The following GINS1 variants were observed in gnomAD, a reference collection of about 807,000 sequenced individuals.
GINS1 encodes GINS complex subunit 1.
A neutral mutation model predicts 34.9 loss-of-function variants in GINS1; 26 were observed. The observed-to-expected ratio is 0.74, with a 90% CI of 0.55 to 1.03. The LOEUF (loss-of-function observed/expected upper bound fraction) is 1.03. Among genes scored for constraint, GINS1 ranks in the 50% least tolerant of loss-of-function variants. The pLI is 0.00. For synonymous variants in GINS1, 97 were observed against 84.4 expected, an observed-to-expected ratio of 1.15 and a Z score of -0.82; for missense variants, 235 against 237.9, an observed-to-expected ratio of 0.99 and a Z score of 0.08.
chr20:25,438,459 A>G (rs1403129354), intron 5 of GINS1, among the ~76,000 whole-genome samples: 1 of 151,256 alleles, frequency 6.6e-6, no homozygotes, highest in Non-Finnish European at 1.5e-5. Flanking sequence ...GGTGAATTGG[A>G]TCACATCAAT....
intron 2 of GINS1, among the ~76,000 whole-genome samples, chr20:25,416,145 G>T (rs2090319338): frequency 6.6e-6 from 1 of 152,178 alleles, no homozygotes; most frequent in Admixed American, 6.5e-5. Context: ...TGGAGGGGCT[G>T]AGAGGTGGGG....
intron 1 of GINS1, chr20:25,411,300 C>T (rs1011024104): frequency 1.3e-5 from 2 of 152,214 alleles, no homozygotes; most frequent in Non-Finnish European, 2.9e-5. Context: ...AGAAAATTAC[C>T]TTGGGCTCAG....
intron 2 of GINS1, among the ~76,000 whole-genome samples, chr20:25,416,758 T>C (rs2146194448): frequency 6.6e-6 from 1 of 152,316 alleles, no homozygotes; most frequent in Admixed American, 6.5e-5. Context: ...CTCATGTCCA[T>C]CATGTTAGCT....
chr20:25,446,059 C>T lies in GINS1; in HGVS notation c.*68C>T. On this transcript the variant is annotated 3_prime_UTR_variant, in exon 7 of 7. Coordinates refer to ENST00000262460, the MANE Select transcript of GINS1 (RefSeq NM_021067.5). The stretch of plus-strand genomic sequence containing the variant: ...TCCTCTGTACTCACTCTCTCCACCA[C>T]TCCCTTCACCTCCCTCTTTGATTTT... The T allele has an allele frequency of 1.7e-6, 1 of 599,998 alleles. No homozygotes were observed. Among genetic ancestry groups the T allele is most frequent in the Non-Finnish European group, 2.8e-6 (1 of 361,280 alleles). The allele number at this position is 599,998 out of a possible 1,614,324, so 37.2% of individuals were successfully genotyped here.
chr20:25,443,679 A>G (rs1462285731), intron 6 of GINS1, among the ~76,000 whole-genome samples: 2 of 151,300 alleles, frequency 1.3e-5, no homozygotes, highest in Non-Finnish European at 2.9e-5. Flanking sequence ...GCGGCGTTTC[A>G]CCATGTTGGC....
At chr20:25,445,798 T>G in intron 6 of GINS1, 125 bp from the exon 7 acceptor site, 1 of 648,524 alleles carries the variant, frequency 1.5e-6, no homozygotes, top group South Asian at 1.9e-5. Flanking sequence ...AGTTTAACTT[T>G]CAACTACTTA....
chr20:25,429,221 C>A (rs1223588115), intron 5 of GINS1, among the ~76,000 whole-genome samples: 1 of 151,802 alleles, frequency 6.6e-6, no homozygotes, highest in Non-Finnish European at 1.5e-5. Flanking sequence ...AACTCCTGAC[C>A]TCAGGTGATC....
intron 1 of GINS1, among the ~76,000 whole-genome samples, chr20:25,408,579 C>T (rs2090262708): frequency 6.6e-6 from 1 of 152,132 alleles, no homozygotes; most frequent in Admixed American, 6.6e-5. Context: ...CTTTGAGGGC[C>T]CGGTACCATG....
At chr20:25,441,853 A>AT in intron 6 of GINS1, 77 bp downstream of exon 6, 1 of 733,576 alleles carries the variant, frequency 1.4e-6, no homozygotes, top group Non-Finnish European at 2.4e-6. Context: ...AGCAAAATAA[A>AT]TATCAACTTT....
At position 25,439,856 on chromosome 20, in the gene GINS1, G is replaced by A. The variant is rs543144662; in HGVS notation, c.448-1846G>A. On this transcript the variant is annotated intron_variant, in intron 5 of 6. Coordinates refer to ENST00000262460, the MANE Select transcript of GINS1 (RefSeq NM_021067.5). ...AAAAATACAAAAAAATTAGTTGGGC[G>A]TGGTGGCTCCCTCCTGTAATCCCAG... Among the ~76,000 whole-genome samples the A allele has an allele frequency of 5.3e-4, 81 of 151,898 alleles. 1 individual carries two copies. The highest frequency in any genetic ancestry group is 1.9e-3 in the African/African-American group (80 of 41,458).
intron 1 of GINS1, among the ~76,000 whole-genome samples, chr20:25,410,293 A>G (rs2090275690): frequency 6.6e-6 from 1 of 151,602 alleles, no homozygotes; most frequent in Non-Finnish European, 1.5e-5. Context: ...GTGAGCCAAG[A>G]TCGGGTCACT....
Position 25,415,197 on chromosome 20 carries a change from G to T in GINS1, c.140+1343G>T, listed in dbSNP as rs527649001. On this transcript the variant is annotated intron_variant, in intron 2 of 6. Transcript: ENST00000262460. ...TGATAGGAGCATTTCCAACTCCTGT[G>T]TATAAGGAGAGATACAGAAAAATCT... Among the ~76,000 whole-genome samples, 5 of 152,312 alleles carry T rather than the reference G, an allele frequency of 3.3e-5. 1 individual carries two copies. Among genetic ancestry groups the T allele is most frequent in the African/African-American group, 9.6e-5 (4 of 41,566 alleles).
chr20:25,417,028 A>G (rs1319569058), intron 2 of GINS1, 76 bp from the exon 3 acceptor site: 4 of 670,242 alleles, frequency 6.0e-6, no homozygotes, highest in Non-Finnish European at 1.1e-5. Context: ...CATGTAACTC[A>G]GTTGTTAGTT....
intron 1 of GINS1, among the ~76,000 whole-genome samples, chr20:25,410,536 G>A (rs1471378940): frequency 6.6e-6 from 1 of 152,032 alleles, no homozygotes; most frequent in Non-Finnish European, 1.5e-5. Flanking sequence ...GGATCTGAGA[G>A]GCCCAAGGAC....
intron 4 of GINS1, among the ~76,000 whole-genome samples, chr20:25,424,561 C>T (rs1346751307): frequency 6.6e-6 from 1 of 152,166 alleles, no homozygotes; most frequent in African/African-American, 2.4e-5. Flanking sequence ...TCCAATACCA[C>T]ATTCTTATTT....
chr20:25,443,443 C>G (rs1028600334), intron 6 of GINS1, among the ~76,000 whole-genome samples: 1 of 151,142 alleles, frequency 6.6e-6, no homozygotes, highest in East Asian at 2.0e-4. Flanking sequence ...TGAAATGTCC[C>G]TTCATCCCAA....
chr20:25,428,560 C>T (rs564616656), intron 5 of GINS1, among the ~76,000 whole-genome samples: 27 of 151,750 alleles, frequency 1.8e-4, no homozygotes, highest in South Asian at 4.2e-4. Flanking sequence ...CCCACCACGA[C>T]GCCCAGCTAA....
chr20:25,430,412 T>C (rs916141913), intron 5 of GINS1, among the ~76,000 whole-genome samples: 1 of 152,254 alleles, frequency 6.6e-6, no homozygotes, highest in Non-Finnish European at 1.5e-5. Context: ...TGACTTATAT[T>C]GATTGATTTT....
intron 5 of GINS1, among the ~76,000 whole-genome samples, chr20:25,437,117 A>G (rs2090458449): frequency 6.6e-6 from 1 of 151,976 alleles, no homozygotes; most frequent in Non-Finnish European, 1.5e-5. Flanking sequence ...GTTGCTTTTC[A>G]CTGCCCTAGT....
Sources: allele counts gnomAD v4.1 joint callset (sites outside exome capture counted in the v4.1 genomes callset), GRCh38; gene constraint gnomAD v4.1.1; transcripts MANE v1.5; gene names NCBI Gene and HGNC (gene_info 2026-07-23, HGNC 2026-07-21).